The following TNPO1 variants were observed in gnomAD, a reference collection of about 807,000 sequenced individuals.
The protein encoded by TNPO1 is transportin 1.
In TNPO1, 8 loss-of-function variants were observed where a neutral mutation model predicts 119.5. The ratio of observed to expected loss-of-function variants is 0.07; its 90% CI spans 0.04 to 0.12. TNPO1 has a LOEUF of 0.12. Ranked by LOEUF, TNPO1 falls within the 10% of genes least tolerant of loss-of-function variation. The pLI is 1.00. For missense variants in TNPO1, 576 were observed against 1,089.8 expected, an observed-to-expected ratio of 0.53 and a Z score of 6.64; for synonymous variants, 362 against 363.0, an observed-to-expected ratio of 1.00 and a Z score of 0.03.
chr5:72,876,151 A>G (rs1488856486), intron 8 of TNPO1, among the ~76,000 whole-genome samples: 3 of 152,244 alleles, frequency 2.0e-5, no homozygotes, highest in Non-Finnish European at 2.9e-5. Flanking sequence ...AGTGTTAACT[A>G]AAGTGAAGAA....
At chr5:72,883,864 C>T (rs1748430598) in intron 11 of TNPO1, among the ~76,000 whole-genome samples, 1 of 152,050 alleles carries the variant, frequency 6.6e-6, no homozygotes, top group South Asian at 2.1e-4. Flanking sequence ...CCCACCTCAG[C>T]TCCCCAAGTA....
In TNPO1 at chr5:72,877,251, T is replaced by C. The variant is rs545194958; in HGVS notation, c.825T>C (p.Asp275=). 6.2e-7 allele frequency: 1 copy of C among 1,611,346 alleles called. No homozygotes were observed. Among genetic ancestry groups the C allele is most frequent in the East Asian group, 2.2e-5 (1 of 44,844 alleles). Residue 275 remains aspartate (D), a synonymous_variant, in exon 9 of 25, where the codon GAT becomes GAC. Coordinates refer to ENST00000337273, the MANE Select transcript of TNPO1 (RefSeq NM_002270.4). ...AGTACATGCTACAGAGGACTCAAGA[T>C]CAAGATGAAAATGTGGCTTTAGAAG... ...IVEYMLQRTQ[D]QDENVALEAC...
At chr5:72,840,979 GCACTGTGTAA>G (rs1284676402) in intron 1 of TNPO1, among the ~76,000 whole-genome samples, 1 of 152,162 alleles carries the variant, frequency 6.6e-6, no homozygotes, top group Non-Finnish European at 1.5e-5. Context: ...CATGTGCCTA[GCACTGTGTAA>G]CATGAGTTAT....
At chr5:72,891,956 G>A in intron 15 of TNPO1, 60 bp downstream of exon 15, 1 of 1,269,538 alleles carries the variant, frequency 7.9e-7, no homozygotes, top group South Asian at 1.3e-5. Context: ...ATCCAAAATG[G>A]GTATATATGA....
chr5:72,829,195 A>T (rs1040681510), intron 1 of TNPO1, among the ~76,000 whole-genome samples: 1 of 152,248 alleles, frequency 6.6e-6, no homozygotes, highest in Non-Finnish European at 1.5e-5. Context: ...AGAGTGAAAC[A>T]TTGGAACCAC....
intron 9 of TNPO1, among the ~76,000 whole-genome samples, chr5:72,881,206 G>T (rs1308682921): frequency 6.6e-6 from 1 of 152,052 alleles, no homozygotes; most frequent in Admixed American, 6.6e-5. Context: ...CACCACCCGG[G>T]TTCAAGTGAT....
chr5:72,825,483 C>G (rs1336385940), intron 1 of TNPO1, among the ~76,000 whole-genome samples: 1 of 152,036 alleles, frequency 6.6e-6, no homozygotes, highest in Non-Finnish European at 1.5e-5. Flanking sequence ...GTCAGGAGAT[C>G]GAGACCATCC....
chr5:72,901,945 A>C (rs1037901360), intron 22 of TNPO1, among the ~76,000 whole-genome samples: 2 of 152,064 alleles, frequency 1.3e-5, no homozygotes, highest in Non-Finnish European at 2.9e-5. Context: ...GCTTGGTGGC[A>C]GGTGCCTGTA....
At chr5:72,836,617 T>A (rs1744703272) in intron 1 of TNPO1, among the ~76,000 whole-genome samples, 1 of 152,220 alleles carries the variant, frequency 6.6e-6, no homozygotes, top group African/African-American at 2.4e-5. Context: ...GCACCTAGCT[T>A]CCTTCTGTCC....
intron 12 of TNPO1, 103 bp downstream of exon 12, chr5:72,887,325 A>C (rs1156364787): frequency 7.6e-7 from 1 of 1,315,812 alleles, no homozygotes; most frequent in South Asian, 1.6e-5. Flanking sequence ...GAACCAGATA[A>C]CTAGTATTAA....
chr5:72,876,092 G>A (rs992757165), intron 8 of TNPO1, among the ~76,000 whole-genome samples: 1 of 152,186 alleles, frequency 6.6e-6, no homozygotes, highest in South Asian at 2.1e-4. Context: ...GCTGCATGAG[G>A]TAGGCCTGTT....
At chr5:72,853,098 T>A (rs1271935804) in intron 3 of TNPO1, among the ~76,000 whole-genome samples, 1 of 152,194 alleles carries the variant, frequency 6.6e-6, no homozygotes, top group Non-Finnish European at 1.5e-5. Flanking sequence ...GAGTACAGCT[T>A]TCTTGGGATA....
rs749070303 is a variant in TNPO1 at position 72,851,233 on chromosome 5, G to A, written c.130-11G>A. 7.1e-6 allele frequency: 11 copies of A among 1,549,082 alleles called. No individual in the cohort carries two copies. The African/African-American group carries it at 1.5e-4, about 21-fold the overall frequency. On this transcript the variant is annotated splice_polypyrimidine_tract_variant and intron_variant, in intron 2 of 24. Coordinates refer to ENST00000337273, the MANE Select transcript of TNPO1 (RefSeq NM_002270.4). Reference sequence around the variant, plus strand: ...ACACAGAGAAGTTTCCTTAACTACTGTTTGTTCTAGAAACTGGAACAACTT... The same window carrying A: ...ACACAGAGAAGTTTCCTTAACTACTATTTGTTCTAGAAACTGGAACAACTT...
chr5:72,886,111 A>G (rs1266778393), intron 11 of TNPO1, among the ~76,000 whole-genome samples: 1 of 152,214 alleles, frequency 6.6e-6, no homozygotes, highest in Non-Finnish European at 1.5e-5. Flanking sequence ...GGTTTCTAAT[A>G]CATGAACTTC....
chr5:72,831,127 T>G (rs928544481), intron 1 of TNPO1, among the ~76,000 whole-genome samples: 2 of 152,130 alleles, frequency 1.3e-5, no homozygotes, highest in African/African-American at 4.8e-5. Flanking sequence ...AGTAGAGATT[T>G]TATTATGAAT....
At position 72,906,275 on chromosome 5, in the gene TNPO1, C is replaced by CTTT. The variant is rs869051297; in HGVS notation, c.*35+866_*35+868dup. Among the ~76,000 whole-genome samples, 53 of 54,696 alleles carry CTTT rather than the reference C, an allele frequency of 9.7e-4. 10 individuals carry two copies. The highest frequency in any genetic ancestry group is 2.9e-3 in the African/African-American group (43 of 14,698). 35.9% of individuals were successfully genotyped at this position (54,696 alleles called of 152,430 possible). A position where few individuals can be genotyped will look rare whatever the true frequency, so the allele number is the denominator to read the frequency against. On this transcript the variant is annotated intron_variant, in intron 24 of 24. Coordinates refer to ENST00000337273, the MANE Select transcript of TNPO1 (RefSeq NM_002270.4). ...CCATGTGCCCATCACTTTTTTTTTT[C>CTTT]TTTTTTTTTTTTTTTTTTTTTTTTT... is the stretch of plus-strand genomic sequence containing the variant.
At chr5:72,861,486 C>T (rs1413881491) in intron 4 of TNPO1, among the ~76,000 whole-genome samples, 1 of 152,132 alleles carries the variant, frequency 6.6e-6, no homozygotes, top group Non-Finnish European at 1.5e-5. Flanking sequence ...ACTGCAGCCT[C>T]GACCTCCTTG....
intron 24 of TNPO1, among the ~76,000 whole-genome samples, chr5:72,906,938 G>A (rs1409598867): frequency 2.0e-5 from 3 of 152,202 alleles, no homozygotes; most frequent in Admixed American, 2.0e-4. Context: ...AGCATGTACA[G>A]AAGATGTACA....
intron 7 of TNPO1, among the ~76,000 whole-genome samples, chr5:72,872,933 C>T (rs536222279): frequency 6.6e-6 from 1 of 152,154 alleles, no homozygotes; most frequent in South Asian, 2.1e-4. Flanking sequence ...AATTTTTCTA[C>T]TTGTATCATT....
Sources: gnomAD v4.1 joint callset for allele counts (sites outside exome capture counted in the v4.1 genomes callset) on GRCh38, gnomAD v4.1.1 for gene constraint, MANE v1.5 for transcripts, NCBI Gene and HGNC (gene_info 2026-07-23, HGNC 2026-07-21) for gene names.